Variants in HCN1 observed in about 807,000 individuals in gnomAD.
HCN1 encodes the protein potassium/sodium hyperpolarization-activated cyclic nucleotide-gated channel 1.
HCN1 carries 13 observed loss-of-function variants against 78.9 expected under a neutral mutation model. The ratio of observed to expected loss-of-function variants is 0.16; its 90% CI spans 0.11 to 0.26. The LOEUF is 0.26. HCN1 is among the 10% of genes least tolerant of loss of function. The probability of loss-of-function intolerance (pLI) is 1.00; values close to 1 mark genes in which losing one functional copy is unlikely to be tolerated. For missense variants in HCN1, 810 were observed against 1,154.3 expected, an observed-to-expected ratio of 0.70 and a Z score of 4.32; for synonymous variants, 552 against 455.5, an observed-to-expected ratio of 1.21 and a Z score of -2.70.
chr5:45,400,260 G>A lies in HCN1; in HGVS notation c.1012-3550C>T, dbSNP rs527572899. 6.7e-4 allele frequency among the ~76,000 whole-genome samples: 102 copies of A among 151,988 alleles called. 1 individual carries two copies. Among genetic ancestry groups the A allele is most frequent in the African/African-American group, 2.3e-3 (95 of 41,466 alleles). ...ATGAATGGAGGCAGGGTATGGAGCTGGAAAAGAAAGTTTAATTCAGTTTTT... is the reference window on the plus strand; with the variant it reads ...ATGAATGGAGGCAGGGTATGGAGCTAGAAAAGAAAGTTTAATTCAGTTTTT... On this transcript the variant is annotated intron_variant, in intron 3 of 7. Transcript: ENST00000303230.
intron 3 of HCN1, among the ~76,000 whole-genome samples, chr5:45,419,212 G>C (rs190461840): frequency 1.3e-5 from 2 of 152,224 alleles, no homozygotes; most frequent in Middle Eastern, 3.4e-3. Flanking sequence ...TAGCAACTAG[G>C]ATAGGAAAGC....
At chr5:45,519,274 A>C (rs1267765312) in intron 2 of HCN1, among the ~76,000 whole-genome samples, 10 of 152,062 alleles carry the variant, frequency 6.6e-5, no homozygotes, top group African/African-American at 2.4e-4. Context: ...GAGAAGTTCA[A>C]GAAGATGATC....
chr5:45,313,677 C>A (rs1437225780), intron 5 of HCN1, among the ~76,000 whole-genome samples: 1 of 152,122 alleles, frequency 6.6e-6, no homozygotes, highest in Non-Finnish European at 1.5e-5. Flanking sequence ...CTTAAATGAC[C>A]TGATGGAGCT....
At chr5:45,294,758 G>A (rs1219300442) in intron 6 of HCN1, among the ~76,000 whole-genome samples, 1 of 151,994 alleles carries the variant, frequency 6.6e-6, no homozygotes, top group Non-Finnish European at 1.5e-5. Context: ...TTACAAAACA[G>A]TTTAGTGAAT....
At chr5:45,657,325 A>C (rs1054069766) in intron 1 of HCN1, among the ~76,000 whole-genome samples, 1 of 152,184 alleles carries the variant, frequency 6.6e-6, no homozygotes, top group African/African-American at 2.4e-5. Context: ...CATAGGTATA[A>C]CAAGAAATGT....
At chr5:45,655,015 C>CTTTATACTTAAATTGCCA (rs1745740228) in intron 1 of HCN1, among the ~76,000 whole-genome samples, 1 of 152,102 alleles carries the variant, frequency 6.6e-6, no homozygotes, top group Non-Finnish European at 1.5e-5. Context: ...TTTATTAATA[C>CTTTATACTTAAATTGCCA]ATAAGATGCC....
chr5:45,503,511 GAAGA>G (rs1337268604), intron 2 of HCN1, among the ~76,000 whole-genome samples: 1 of 151,976 alleles, frequency 6.6e-6, no homozygotes, highest in East Asian at 1.9e-4. Flanking sequence ...TAAATTTTTT[GAAGA>G]AAGACAATCC....
chr5:45,678,403 C>T (rs1739636068), intron 1 of HCN1, among the ~76,000 whole-genome samples: 1 of 151,914 alleles, frequency 6.6e-6, no homozygotes, highest in African/African-American at 2.4e-5. Context: ...CAATTGTAAT[C>T]CATTATTATT....
intron 5 of HCN1, among the ~76,000 whole-genome samples, chr5:45,330,833 T>C (rs1746329115): frequency 6.6e-6 from 1 of 151,150 alleles, no homozygotes; most frequent in Admixed American, 6.6e-5. Flanking sequence ...CCTCAAATAA[T>C]GTATATATTG....
chr5:45,345,880 C>T (rs1027442250), intron 5 of HCN1, among the ~76,000 whole-genome samples: 2 of 152,302 alleles, frequency 1.3e-5, no homozygotes, highest in South Asian at 2.1e-4. Flanking sequence ...CTACTCTGTA[C>T]CAGTTTACTG....
chr5:45,301,620 G>A (rs868311065), intron 6 of HCN1, among the ~76,000 whole-genome samples: 3 of 151,210 alleles, frequency 2.0e-5, no homozygotes. Flanking sequence ...TACTAGGGAG[G>A]CTGAGGTGGG....
intron 2 of HCN1, among the ~76,000 whole-genome samples, chr5:45,506,101 CTG>C (rs760961567): frequency 6.6e-6 from 1 of 152,026 alleles, no homozygotes; most frequent in African/African-American, 2.4e-5. Context: ...TAAATGATAA[CTG>C]TAATTCACAA....
At chr5:45,651,868 C>G (rs981064777) in intron 1 of HCN1, among the ~76,000 whole-genome samples, 2 of 151,878 alleles carry the variant, frequency 1.3e-5, no homozygotes, top group African/African-American at 4.8e-5. Flanking sequence ...CCAGACAACT[C>G]AAACATAGGC....
intron 6 of HCN1, among the ~76,000 whole-genome samples, chr5:45,301,650 G>A (rs2111901516): frequency 6.7e-6 from 1 of 149,704 alleles, no homozygotes; most frequent in East Asian, 2.0e-4. Context: ...TGAGCCTGCA[G>A]AGCAAGGTTG....
intron 2 of HCN1, among the ~76,000 whole-genome samples, chr5:45,630,469 T>A (rs1252547000): frequency 6.6e-6 from 1 of 152,224 alleles, no homozygotes; most frequent in Non-Finnish European, 1.5e-5. Context: ...AGCATGTGGC[T>A]CCACAGTAAA....
chr5:45,452,615 G>A (rs1311390041), intron 3 of HCN1, among the ~76,000 whole-genome samples: 1 of 151,784 alleles, frequency 6.6e-6, no homozygotes, highest in Non-Finnish European at 1.5e-5. Flanking sequence ...GTATTTAAAT[G>A]TTAATCATAA....
At chr5:45,315,859 A>G (rs1745977105) in intron 5 of HCN1, among the ~76,000 whole-genome samples, 1 of 152,212 alleles carries the variant, frequency 6.6e-6, no homozygotes, top group South Asian at 2.1e-4. Flanking sequence ...CCAAGAATAA[A>G]CCAGGAGGAA....
In HCN1 at chr5:45,262,306, G is replaced by C. The variant is rs1437053801; in HGVS notation, c.2288C>G (p.Pro763Arg). 6.2e-7 allele frequency: 1 copy of C among 1,613,874 alleles called. No homozygotes were observed. The highest frequency in any genetic ancestry group is 1.3e-5 in the African/African-American group (1 of 75,054). The change falls in exon 8 of 8, where the codon CCG (proline) becomes CGG (arginine). Residue 763 changes from proline (P) to arginine (R), a missense_variant. Coordinates refer to ENST00000303230, the MANE Select transcript of HCN1 (RefSeq NM_021072.4). ...PQPQTPGSST[P>R]KNEVHKSTQA... ...CGTGCTCTTGTGCACTTCATTTTTC[G>C]GCGTGGAGCTGCCAGGTGTCTGTGG...
At chr5:45,508,413 A>C (rs1742349902) in intron 2 of HCN1, among the ~76,000 whole-genome samples, 1 of 152,120 alleles carries the variant, frequency 6.6e-6, no homozygotes, top group Non-Finnish European at 1.5e-5. Flanking sequence ...AATCCATGCT[A>C]GGCTCAATGT....
Sources: allele counts gnomAD v4.1 joint callset (sites outside exome capture counted in the v4.1 genomes callset), GRCh38; gene constraint gnomAD v4.1.1; transcripts MANE v1.5; gene names NCBI Gene and HGNC (gene_info 2026-07-23, HGNC 2026-07-21).